Variants in TDRP observed in about 807,000 individuals in gnomAD.
The protein encoded by TDRP is testis development-related protein.
A neutral mutation model predicts 10.5 loss-of-function variants in TDRP; 12 were observed. That is an observed-to-expected ratio of 1.15 (90% CI 0.73 to 1.86). The LOEUF is 1.86. Ranked by LOEUF, TDRP falls within the 40% of genes most tolerant of loss-of-function variation. The probability of loss-of-function intolerance (pLI) is 0.00; values close to 1 mark genes in which losing one functional copy is unlikely to be tolerated. For synonymous variants in TDRP, 139 were observed against 95.4 expected, an observed-to-expected ratio of 1.46 and a Z score of -2.67; for missense variants, 353 against 229.2, an observed-to-expected ratio of 1.54 and a Z score of -3.49.
intron 1 of TDRP, among the ~76,000 whole-genome samples, chr8:527,281 A>T (rs1246608470): frequency 1.3e-5 from 2 of 152,202 alleles, no homozygotes; most frequent in Non-Finnish European, 2.9e-5. Flanking sequence ...CACAAAAATG[A>T]AAAGATATTT....
At chr8:519,522 C>A (rs1801842787) in intron 1 of TDRP, among the ~76,000 whole-genome samples, 2 of 151,940 alleles carry the variant, frequency 1.3e-5, no homozygotes, top group Non-Finnish European at 2.9e-5. Flanking sequence ...TACAACAGAT[C>A]TCTAAAACTT....
chr8:508,464 A>G (rs139851173), intron 1 of TDRP, among the ~76,000 whole-genome samples: 2 of 152,222 alleles, frequency 1.3e-5, no homozygotes, highest in Non-Finnish European at 2.9e-5. Context: ...AGGCAAAGGC[A>G]TATCTAATAT....
chr8:537,632 G>T (rs531806006), intron 1 of TDRP, among the ~76,000 whole-genome samples: 5 of 152,172 alleles, frequency 3.3e-5, no homozygotes. Flanking sequence ...CATTGGTCTT[G>T]TAAACAAGTA....
intron 1 of TDRP, among the ~76,000 whole-genome samples, chr8:496,296 G>C (rs1013026836): frequency 5.9e-5 from 9 of 152,224 alleles, no homozygotes; most frequent in African/African-American, 9.6e-5. Flanking sequence ...TGGCATGACA[G>C]AGCATGTGGC....
At position 490,368 on chromosome 8, in the gene TDRP, A is replaced by C. The variant is rs573349919; in HGVS notation, c.*2031T>G. On this transcript the variant is annotated 3_prime_UTR_variant, in exon 3 of 3. Transcript: ENST00000324079. ...CAAATTTTGAGAAATAGCATAAAGA[A>C]CTATTTTGCCAACTGTGCGTCACAA... The C allele has an allele frequency of 1.3e-5, 2 of 152,360 alleles. No homozygotes were observed. The highest frequency in any genetic ancestry group is 4.1e-4 in the South Asian group (2 of 4,830). 9.4% of individuals were successfully genotyped at this position (152,360 alleles called of 1,614,324 possible).
chr8:492,836 T>A, intron 2 of TDRP, 92 bp from the exon 3 acceptor site: 2 of 1,044,448 alleles, frequency 1.9e-6, no homozygotes, highest in Non-Finnish European at 2.7e-6. Flanking sequence ...TTTAAAATTT[T>A]AAAAAATTGT....
In TDRP at chr8:539,245, A is replaced by G. The variant is rs544855395; in HGVS notation, c.108+5405T>C. 1.6e-3 allele frequency among the ~76,000 whole-genome samples: 248 copies of G among 152,234 alleles called. 3 individuals carry two copies. Among genetic ancestry groups the G allele is most frequent in the African/African-American group, 5.8e-3 (242 of 41,542 alleles). Reference sequence around the variant, plus strand: ...GAGTCACGAGGGTGGGGCCGGCACGATGGGATGAGTGTCCTAATATGGTGG... The same window carrying G: ...GAGTCACGAGGGTGGGGCCGGCACGGTGGGATGAGTGTCCTAATATGGTGG... On this transcript the variant is annotated intron_variant, in intron 1 of 2. Coordinates refer to ENST00000324079, the MANE Select transcript of TDRP (RefSeq NM_001384899.1).
chr8:529,457 T>A (rs1802125571), intron 1 of TDRP, among the ~76,000 whole-genome samples: 1 of 152,216 alleles, frequency 6.6e-6, no homozygotes, highest in African/African-American at 2.4e-5. Context: ...TATTTCCCTT[T>A]ACCAGAGAGT....
chr8:529,904 T>C (rs565166739), intron 1 of TDRP, among the ~76,000 whole-genome samples: 2 of 152,326 alleles, frequency 1.3e-5, no homozygotes, highest in South Asian at 4.1e-4. Context: ...GATTCTTGAA[T>C]CTGGATGTCC....
At chr8:531,283 A>G (rs1437497606) in intron 1 of TDRP, among the ~76,000 whole-genome samples, 2 of 152,016 alleles carry the variant, frequency 1.3e-5, no homozygotes, top group East Asian at 3.9e-4. Flanking sequence ...TGGACTGTAT[A>G]TTGTTGTCAG....
At chr8:516,262 T>C (rs13266503) in intron 1 of TDRP, among the ~76,000 whole-genome samples, 72,813 of 151,920 alleles carry the variant, frequency 0.48, 18,818 homozygotes, top group Non-Finnish European at 0.58. Context: ...ACTATCACTA[T>C]TGGGACTATG....
Position 544,771 on chromosome 8 carries a change from C to T in TDRP, c.-14G>A, listed in dbSNP as rs981957628. 4.9e-6 allele frequency: 6 copies of T among 1,231,920 alleles called. No individual in the cohort carries two copies. The highest frequency in any genetic ancestry group is 4.0e-5 in the South Asian group (1 of 24,838). The allele number at this position is 1,231,920 out of a possible 1,614,324, so 76.3% of individuals were successfully genotyped here. A position where few individuals can be genotyped will look rare whatever the true frequency, so the allele number is the denominator to read the frequency against. On this transcript the variant is annotated 5_prime_UTR_variant, in exon 1 of 3. Transcript: ENST00000324079. ...CAGCTTCCACATGGTCAGGCGGGCTCCGGCGTCCCTCCGTCCGTGCGTCGG... is the reference window on the plus strand; with the variant it reads ...CAGCTTCCACATGGTCAGGCGGGCTTCGGCGTCCCTCCGTCCGTGCGTCGG...
chr8:545,679 C>T (rs1479118350), upstream of TDRP: 2 of 152,016 alleles, frequency 1.3e-5, no homozygotes, highest in African/African-American at 2.4e-5. Context: ...CCCTCCGGCG[C>T]CCGAGGTCGC....
chr8:497,709 G>T (rs570293953), intron 1 of TDRP, among the ~76,000 whole-genome samples: 1 of 152,262 alleles, frequency 6.6e-6, no homozygotes, highest in Admixed American at 6.5e-5. Context: ...ATGTCTCCAG[G>T]GCATTTCAGA....
At chr8:510,026 C>T (rs1007953095) in intron 1 of TDRP, among the ~76,000 whole-genome samples, 8 of 152,086 alleles carry the variant, frequency 5.3e-5, no homozygotes, top group South Asian at 4.1e-4. Context: ...TAGACACATG[C>T]GATGTGACCT....
intron 1 of TDRP, among the ~76,000 whole-genome samples, chr8:528,697 G>A (rs539565764): frequency 5.7e-4 from 87 of 152,194 alleles, no homozygotes; most frequent in African/African-American, 2.1e-3. Flanking sequence ...ACTCCGATGT[G>A]ATTATTATGT....
At chr8:504,005 A>C (rs1801383854) in intron 1 of TDRP, among the ~76,000 whole-genome samples, 1 of 149,126 alleles carries the variant, frequency 6.7e-6, no homozygotes, top group Admixed American at 6.7e-5. Flanking sequence ...ACTGGAACCA[A>C]TGCCCACCTC....
intron 1 of TDRP, among the ~76,000 whole-genome samples, chr8:497,422 G>C (rs1304526379): frequency 1.3e-5 from 2 of 152,178 alleles, no homozygotes; most frequent in Non-Finnish European, 2.9e-5. Context: ...AGATGATTTA[G>C]GATATCTGGC....
intron 1 of TDRP, among the ~76,000 whole-genome samples, chr8:504,441 A>G (rs1801399207): frequency 6.6e-6 from 1 of 152,152 alleles, no homozygotes; most frequent in African/African-American, 2.4e-5. Context: ...AAGGGCCTAG[A>G]GCAGTCCAGG....
Sources: allele counts gnomAD v4.1 joint callset (sites outside exome capture counted in the v4.1 genomes callset), GRCh38; gene constraint gnomAD v4.1.1; transcripts MANE v1.5; gene names NCBI Gene and HGNC (gene_info 2026-07-23, HGNC 2026-07-21).